The following NALCN variants were observed in gnomAD, a reference collection of about 807,000 sequenced individuals.
The protein encoded by NALCN is sodium leak channel NALCN.
NALCN carries 111 observed loss-of-function variants against 225.3 expected under a neutral mutation model. The observed-to-expected ratio is 0.49, with a 90% CI of 0.42 to 0.58. The LOEUF is 0.58. Ranked by LOEUF, NALCN falls within the 20% of genes least tolerant of loss-of-function variation. The pLI is 0.00. For missense variants in NALCN, 1,378 were observed against 2,202.4 expected, an observed-to-expected ratio of 0.63 and a Z score of 7.49; for synonymous variants, 764 against 769.0, an observed-to-expected ratio of 0.99 and a Z score of 0.11.
chr13:101,335,983 A>G (rs1357267952), intron 7 of NALCN, among the ~76,000 whole-genome samples: 1 of 152,152 alleles, frequency 6.6e-6, no homozygotes, highest in African/African-American at 2.4e-5. Flanking sequence ...TAATTTGAAT[A>G]AAAGTAATTT....
At chr13:101,197,004 T>C (rs2039917462) in intron 13 of NALCN, among the ~76,000 whole-genome samples, 1 of 152,176 alleles carries the variant, frequency 6.6e-6, no homozygotes, top group South Asian at 2.1e-4. Flanking sequence ...TGATTCATTT[T>C]CAGAAGGTAT....
chr13:101,315,131 A>G (rs2044509024), intron 7 of NALCN, among the ~76,000 whole-genome samples: 1 of 152,232 alleles, frequency 6.6e-6, no homozygotes, highest in African/African-American at 2.4e-5. Context: ...AACGAACTGT[A>G]ATGCTAGGGA....
chr13:101,232,732 C>T (rs910891244), intron 12 of NALCN, among the ~76,000 whole-genome samples: 1 of 152,108 alleles, frequency 6.6e-6, no homozygotes, highest in Non-Finnish European at 1.5e-5. Flanking sequence ...AGGTGTGAGC[C>T]ACTGCACCCG....
At chr13:101,149,112 T>G (rs1208728483) in intron 15 of NALCN, among the ~76,000 whole-genome samples, 2 of 152,068 alleles carry the variant, frequency 1.3e-5, no homozygotes, top group Admixed American at 6.5e-5. Flanking sequence ...GCTAACACGG[T>G]GAAACCCCGT....
intron 7 of NALCN, among the ~76,000 whole-genome samples, chr13:101,320,741 T>C (rs1213006954): frequency 1.1e-4 from 16 of 152,044 alleles, no homozygotes; most frequent in Non-Finnish European, 1.5e-5. Context: ...TCCTTCCTTG[T>C]TCCTGACAGA....
At chr13:101,148,879 G>C (rs116775799) in intron 15 of NALCN, among the ~76,000 whole-genome samples, 12 of 152,322 alleles carry the variant, frequency 7.9e-5, no homozygotes, top group African/African-American at 2.6e-4. Context: ...AAATTTGTTA[G>C]TGTGGAGTAT....
At chr13:101,366,859 T>C (rs1343316212) in intron 6 of NALCN, among the ~76,000 whole-genome samples, 1 of 152,146 alleles carries the variant, frequency 6.6e-6, no homozygotes, top group African/African-American at 2.4e-5. Flanking sequence ...TGTGCATGGA[T>C]CTCAAAACTT....
At chr13:101,142,939 G>C (rs1566333130) in intron 17 of NALCN, 141 bp downstream of exon 17, 3 of 1,215,884 alleles carry the variant, frequency 2.5e-6, no homozygotes, top group Non-Finnish European at 2.4e-6. Flanking sequence ...TAGGTTTCAT[G>C]ATATCTTTTA....
intron 6 of NALCN, among the ~76,000 whole-genome samples, chr13:101,360,675 C>T (rs1483410515): frequency 6.6e-6 from 1 of 152,160 alleles, no homozygotes. Context: ...ACAAAGTACA[C>T]CAGCCCAATT....
rs1392023983 is a variant in NALCN, at chr13:101,104,582, G to C, written c.2705C>G (p.Ser902Cys). Residue 902 changes from serine (S) to cysteine (C), a missense_variant, in exon 24 of 44, where the codon TCC becomes TGC. Transcript: ENST00000251127. The surrounding 1 kb of genome is among the most constrained non-coding windows in gnomAD (Gnocchi z 4.2). ...TCGAAACGGGGACTCAAACATCATG[G>C]AAATGCAAGAGCAGATGGTTACGAT... ...MIIVTICSCI[S>C]MMFESPFRRV... 6.2e-7 allele frequency: 1 copy of C among 1,614,062 alleles called. No homozygotes were observed. The highest frequency in any genetic ancestry group is 8.5e-7 in the Non-Finnish European group (1 of 1,179,950).
chr13:101,325,429 CACA>C (rs1319616694), intron 7 of NALCN, among the ~76,000 whole-genome samples: 1 of 152,172 alleles, frequency 6.6e-6, no homozygotes, highest in Non-Finnish European at 1.5e-5. Context: ...CACTGTAAAT[CACA>C]ACGATTCACA....
At chr13:101,342,773 T>A (rs2045598225) in intron 7 of NALCN, among the ~76,000 whole-genome samples, 1 of 152,214 alleles carries the variant, frequency 6.6e-6, no homozygotes, top group Non-Finnish European at 1.5e-5. Flanking sequence ...GGCAAAGATG[T>A]CTTTACTCTT....
intron 17 of NALCN, among the ~76,000 whole-genome samples, chr13:101,136,932 G>A (rs1418808069): frequency 6.6e-6 from 1 of 152,304 alleles, no homozygotes; most frequent in East Asian, 1.9e-4. Flanking sequence ...GTGTAAAAGT[G>A]TTCCTATTTC....
At chr13:101,398,967 A>C in intron 2 of NALCN, 52 bp downstream of exon 2, 2 of 1,141,598 alleles carry the variant, frequency 1.8e-6, no homozygotes, top group South Asian at 2.5e-5. Flanking sequence ...TTTGTCAATC[A>C]CATTTATCTC....
At chr13:101,348,892 G>C (rs1165670299) in intron 6 of NALCN, among the ~76,000 whole-genome samples, 2 of 152,144 alleles carry the variant, frequency 1.3e-5, no homozygotes, top group Non-Finnish European at 2.9e-5. Context: ...TGAATGTCAA[G>C]AGTTTCAGAA....
At chr13:101,320,441 T>C (rs994864729) in intron 7 of NALCN, among the ~76,000 whole-genome samples, 1 of 152,206 alleles carries the variant, frequency 6.6e-6, no homozygotes, top group Non-Finnish European at 1.5e-5. Context: ...TCTGAAGTCA[T>C]TTGGTTGTTA....
intron 6 of NALCN, among the ~76,000 whole-genome samples, chr13:101,359,523 A>G (rs1056099226): frequency 2.6e-5 from 4 of 152,232 alleles, no homozygotes; most frequent in African/African-American, 9.6e-5. Flanking sequence ...GTCCTAGTGC[A>G]GTTAATGTTT....
chr13:101,094,695 A>G (rs950622121), intron 28 of NALCN, among the ~76,000 whole-genome samples: 1 of 152,074 alleles, frequency 6.6e-6, no homozygotes, highest in Non-Finnish European at 1.5e-5. Context: ...TAAAAACCCA[A>G]TATGCATTCT....
chr13:101,058,445 C>A, intron 42 of NALCN: 1 of 148,162 alleles, frequency 6.7e-6, no homozygotes, highest in Non-Finnish European at 1.5e-5. Context: ...TGTCACCAGC[C>A]TGGAGATCCA....
Sources: allele counts gnomAD v4.1 joint callset (sites outside exome capture counted in the v4.1 genomes callset), GRCh38; gene constraint gnomAD v4.1.1; non-coding constraint Gnocchi (gnomAD v3.1); transcripts MANE v1.5; gene names NCBI Gene and HGNC (gene_info 2026-07-23, HGNC 2026-07-21).